MTUS2: variants seen among roughly 807,000 people sequenced by gnomAD.
The protein encoded by MTUS2 is microtubule-associated tumor suppressor candidate 2.
Under a neutral mutation model 114.1 loss-of-function variants are expected in MTUS2, and 40 were observed. The ratio of observed to expected loss-of-function variants is 0.35; its 90% CI spans 0.27 to 0.46. The LOEUF is 0.46. Among genes scored for constraint, MTUS2 ranks in the 20% least tolerant of loss-of-function variants. The pLI, the probability that MTUS2 is intolerant of heterozygous loss-of-function variation, is 1.00. For synonymous variants in MTUS2, 688 were observed against 672.0 expected, an observed-to-expected ratio of 1.02 and a Z score of -0.37; for missense variants, 1,679 against 1,705.4, an observed-to-expected ratio of 0.98 and a Z score of 0.27.
chr13:29,427,908 A>G (rs553233860), intron 8 of MTUS2, among the ~76,000 whole-genome samples: 3 of 152,360 alleles, frequency 2.0e-5, no homozygotes, highest in African/African-American at 7.2e-5. Flanking sequence ...TTAAATACCA[A>G]GTCTTTTTTG....
chr13:29,160,022 T>C (rs1373153293), intron 5 of MTUS2, among the ~76,000 whole-genome samples: 2 of 152,186 alleles, frequency 1.3e-5, no homozygotes, highest in African/African-American at 4.8e-5. Context: ...AAGACTTACG[T>C]TCACACAAAA....
intron 4 of MTUS2, among the ~76,000 whole-genome samples, chr13:29,092,378 C>T (rs1889995855): frequency 6.6e-6 from 1 of 152,210 alleles, no homozygotes; most frequent in African/African-American, 2.4e-5. Context: ...CTCACCCATT[C>T]TAAGCCCATA....
intron 2 of MTUS2, among the ~76,000 whole-genome samples, chr13:28,977,573 A>T (rs1284682510): frequency 6.6e-6 from 1 of 152,232 alleles, no homozygotes; most frequent in Non-Finnish European, 1.5e-5. Flanking sequence ...GACAAAATAG[A>T]GTTTTGTAAC....
chr13:29,112,956 T>C (rs912553636), intron 5 of MTUS2, among the ~76,000 whole-genome samples: 4 of 152,194 alleles, frequency 2.6e-5, no homozygotes, highest in Admixed American at 1.3e-4. Context: ...AGTAATACAC[T>C]GAGTCAGTAA....
chr13:29,261,687 G>T (rs1457028949), intron 5 of MTUS2, among the ~76,000 whole-genome samples: 2 of 152,134 alleles, frequency 1.3e-5, no homozygotes. Context: ...AATTTAAATT[G>T]GGTTCACATC....
At chr13:28,855,575 C>T (rs1360765442) in intron 2 of MTUS2, among the ~76,000 whole-genome samples, 1 of 152,132 alleles carries the variant, frequency 6.6e-6, no homozygotes, top group Non-Finnish European at 1.5e-5. Flanking sequence ...GCTTCCAGCT[C>T]CACCCATGTC....
At chr13:29,054,550 C>T (rs913899124) in intron 4 of MTUS2, among the ~76,000 whole-genome samples, 2 of 151,928 alleles carry the variant, frequency 1.3e-5, no homozygotes, top group East Asian at 1.9e-4. Flanking sequence ...GGGTACAGAA[C>T]GTCAGTTTTG....
intron 5 of MTUS2, among the ~76,000 whole-genome samples, chr13:29,103,816 A>G (rs1380361564): frequency 6.6e-6 from 1 of 152,242 alleles, no homozygotes. Flanking sequence ...GTATTTGCAA[A>G]GTATAATTCA....
Position 29,123,862 on chromosome 13 carries a change from G to A in MTUS2, c.2644+22892G>A, listed in dbSNP as rs535648617. 2.6e-5 allele frequency among the ~76,000 whole-genome samples: 4 copies of A among 152,274 alleles called. No homozygotes were observed. In the South Asian group the frequency reaches 8.3e-4, roughly 32 times the overall value. On this transcript the variant is annotated intron_variant, in intron 5 of 15. Transcript: ENST00000612955. ...TGGTGGTAGTGTCCCCGGGCCTCCC[G>A]CCTCATTCCCTAGGCTGCCATCCCC...
intron 8 of MTUS2, among the ~76,000 whole-genome samples, chr13:29,367,733 A>G (rs971634689): frequency 5.9e-5 from 9 of 152,018 alleles, no homozygotes; most frequent in African/African-American, 2.2e-4. Flanking sequence ...AGCCCCAGCA[A>G]CACCCACACA....
chr13:29,350,971 A>ATT (rs1869208107), intron 7 of MTUS2, among the ~76,000 whole-genome samples: 1 of 125,074 alleles, frequency 8.0e-6, no homozygotes, highest in African/African-American at 4.9e-5. Context: ...ATATATATAT[A>ATT]TATATATATA....
At chr13:29,323,240 A>AT (rs1288496171) in intron 6 of MTUS2, among the ~76,000 whole-genome samples, 1 of 150,412 alleles carries the variant, frequency 6.6e-6, no homozygotes, top group Non-Finnish European at 1.5e-5. Context: ...GTCTTTGTCC[A>AT]TTTGTATGAT....
chr13:29,126,797 G>A (rs917755965), intron 5 of MTUS2, among the ~76,000 whole-genome samples: 5 of 152,218 alleles, frequency 3.3e-5, no homozygotes, highest in East Asian at 1.9e-4. Flanking sequence ...GGGGTCCTGC[G>A]TCTCTACTCA....
chr13:29,487,769 C>T, intron 10 of MTUS2, 131 bp from the exon 11 acceptor site: 1 of 739,646 alleles, frequency 1.4e-6, no homozygotes, highest in Admixed American at 2.0e-5. Context: ...CAAAGTCCAG[C>T]TCTCCTGCTT....
chr13:29,014,939 T>C (rs777529077), intron 2 of MTUS2, among the ~76,000 whole-genome samples: 2 of 152,252 alleles, frequency 1.3e-5, no homozygotes, highest in African/African-American at 2.4e-5. Flanking sequence ...GCATGGACTC[T>C]TCTTCCTCCA....
At chr13:29,089,424 A>C in intron 4 of MTUS2, among the ~76,000 whole-genome samples, 1 of 152,266 alleles carries the variant, frequency 6.6e-6, no homozygotes, top group Non-Finnish European at 1.5e-5. Context: ...TCTGATGACT[A>C]TGTGCTTTGA....
At chr13:29,488,056 G>C in intron 11 of MTUS2, 51 bp downstream of exon 11, 1 of 1,396,950 alleles carries the variant, frequency 7.2e-7, no homozygotes, top group South Asian at 1.2e-5. Context: ...TGCAATCCGA[G>C]CCTTTCCTGC....
chr13:29,202,452 T>C (rs1392426832), intron 5 of MTUS2, among the ~76,000 whole-genome samples: 1 of 152,194 alleles, frequency 6.6e-6, no homozygotes, highest in African/African-American at 2.4e-5. Context: ...GATTACAACA[T>C]GCTTCTTTAG....
At chr13:29,403,234 G>T (rs1012902842) in intron 8 of MTUS2, among the ~76,000 whole-genome samples, 1 of 152,100 alleles carries the variant, frequency 6.6e-6, no homozygotes, top group African/African-American at 2.4e-5. Context: ...CTACTTTTGG[G>T]TCCCTGTTCC....
Sources: allele counts gnomAD v4.1 joint callset (sites outside exome capture counted in the v4.1 genomes callset), GRCh38; gene constraint gnomAD v4.1.1; transcripts MANE v1.5; gene names NCBI Gene and HGNC (gene_info 2026-07-23, HGNC 2026-07-21).